BNC2: variants seen among roughly 807,000 people sequenced by gnomAD.
BNC2 encodes the protein basonuclin zinc finger protein 2, also known as zinc finger protein basonuclin-2.
BNC2 carries 20 observed loss-of-function variants against 76.3 expected under a neutral mutation model. That is an observed-to-expected ratio of 0.26 (90% confidence interval 0.18 to 0.38). BNC2 has a LOEUF of 0.38. BNC2 is among the 10% of genes least tolerant of loss of function. The pLI, the probability that BNC2 is intolerant of heterozygous loss-of-function variation, is 1.00. For synonymous variants in BNC2, 582 were observed against 514.8 expected (o/e 1.13, Z -1.77); for missense variants, 1,382 against 1,399.8 (o/e 0.99, Z 0.20).
chr9:16,735,112 G>T (rs1020326728), intron 2 of BNC2, among the ~76,000 whole-genome samples: 1 of 152,176 alleles, frequency 6.6e-6, no homozygotes, highest in African/African-American at 2.4e-5. Context: ...TTTGAGTAGG[G>T]TATGGTAGAT....
intron 3 of BNC2, among the ~76,000 whole-genome samples, chr9:16,694,861 A>G (rs1823289538): frequency 6.6e-6 from 1 of 152,202 alleles, no homozygotes; most frequent in African/African-American, 2.4e-5. Context: ...GTTGATTTCT[A>G]AGGGATACCC....
chr9:16,528,086 G>A (rs1056548823), intron 5 of BNC2, among the ~76,000 whole-genome samples: 14 of 152,180 alleles, frequency 9.2e-5, no homozygotes, highest in African/African-American at 3.4e-4. Context: ...AAAGATTGAA[G>A]AGCTGTGGGG....
chr9:16,837,119 G>A (rs960886018), intron 1 of BNC2, among the ~76,000 whole-genome samples: 4 of 152,148 alleles, frequency 2.6e-5, no homozygotes, highest in African/African-American at 9.7e-5. Flanking sequence ...CTTTCAAAAT[G>A]CTATCTTTTC....
In BNC2 at chr9:16,737,618, C is replaced by A. The variant is rs997536973; in HGVS notation, c.129+742G>T. 7.3e-5 allele frequency among the ~76,000 whole-genome samples: 11 copies of A among 151,310 alleles called. No homozygotes were observed. The East Asian group carries it at 7.8e-4, about 11-fold the overall frequency. On this transcript the variant is annotated intron_variant, in intron 2 of 6. Coordinates refer to ENST00000380672, the MANE Select transcript of BNC2 (RefSeq NM_017637.6). ...AAGTCTGGGAACTCCTACTCTCAAG[C>A]AATCTACTGGCCTTGATAGAGACTA...
At chr9:16,620,412 T>C (rs1324347056) in intron 3 of BNC2, among the ~76,000 whole-genome samples, 1 of 152,196 alleles carries the variant, frequency 6.6e-6, no homozygotes, top group Admixed American at 6.5e-5. Flanking sequence ...GTGTTATTTC[T>C]TCATGGCTAA....
chr9:16,618,469 A>G (rs894091838), intron 3 of BNC2, among the ~76,000 whole-genome samples: 5 of 152,198 alleles, frequency 3.3e-5, no homozygotes, highest in Non-Finnish European at 7.3e-5. Flanking sequence ...TAGGGACACA[A>G]CATCAAACAT....
rs187058920 is a variant in BNC2 at position 16,561,907 on chromosome 9, G to A, written c.434-9142C>T. ...TAGTCCCAGCTACTCGGGAGGCTGAGGTGGGAGGATCACTTGAGCCCACGG... is the reference window on the plus strand; with the variant it reads ...TAGTCCCAGCTACTCGGGAGGCTGAAGTGGGAGGATCACTTGAGCCCACGG... On this transcript the variant is annotated intron_variant, in intron 4 of 6. Coordinates refer to ENST00000380672, the MANE Select transcript of BNC2 (RefSeq NM_017637.6). 2.2e-4 allele frequency among the ~76,000 whole-genome samples: 34 copies of A among 152,238 alleles called. No individual in the cohort carries two copies. In the East Asian group the frequency reaches 2.9e-3, roughly 13 times the overall value.
At chr9:16,573,933 G>C (rs1476480535) in intron 4 of BNC2, among the ~76,000 whole-genome samples, 2 of 152,202 alleles carry the variant, frequency 1.3e-5, no homozygotes, top group African/African-American at 2.4e-5. Flanking sequence ...ACAATTCAGA[G>C]TTATCTTTGA....
At chr9:16,498,612 G>C (rs1822450621) in intron 5 of BNC2, among the ~76,000 whole-genome samples, 1 of 149,968 alleles carries the variant, frequency 6.7e-6, no homozygotes, top group East Asian at 2.0e-4. Context: ...CACCACTAAA[G>C]AACTTACTCA....
At chr9:16,473,602 T>C (rs922869007) in intron 5 of BNC2, among the ~76,000 whole-genome samples, 9 of 152,056 alleles carry the variant, frequency 5.9e-5, no homozygotes, top group Admixed American at 3.3e-4. Context: ...GGACCGGGCG[T>C]GGTGGCTCAT....
At chr9:16,549,860 C>T (rs1490550089) in intron 5 of BNC2, among the ~76,000 whole-genome samples, 2 of 152,018 alleles carry the variant, frequency 1.3e-5, no homozygotes, top group East Asian at 1.9e-4. Flanking sequence ...TACATCAATT[C>T]TACCAATAAA....
chr9:16,461,789 A>T (rs1821588376), intron 5 of BNC2, among the ~76,000 whole-genome samples: 1 of 152,178 alleles, frequency 6.6e-6, no homozygotes, highest in South Asian at 2.1e-4. Flanking sequence ...AGGGACTCAC[A>T]ACCTTCTTGT....
At chr9:16,521,768 G>A (rs2132079931) in intron 5 of BNC2, among the ~76,000 whole-genome samples, 1 of 152,258 alleles carries the variant, frequency 6.6e-6, no homozygotes, top group Non-Finnish European at 1.5e-5. Flanking sequence ...GGATTACTGA[G>A]TTCTAATTTT....
chr9:16,428,522 T>C (rs747158981), intron 6 of BNC2, among the ~76,000 whole-genome samples: 1 of 152,260 alleles, frequency 6.6e-6, no homozygotes, highest in Admixed American at 6.5e-5. Flanking sequence ...TGGATGTTTA[T>C]GTGTAAACAC....
At chr9:16,686,466 TTCC>T (rs1822982115) in intron 3 of BNC2, among the ~76,000 whole-genome samples, 1 of 152,200 alleles carries the variant, frequency 6.6e-6, no homozygotes, top group African/African-American at 2.4e-5. Context: ...TTTCTAATTG[TTCC>T]TCATTATTTC....
chr9:16,581,723 T>C (rs1339675249), intron 4 of BNC2, among the ~76,000 whole-genome samples: 1 of 152,180 alleles, frequency 6.6e-6, no homozygotes, highest in East Asian at 1.9e-4. Flanking sequence ...GACGAAATCA[T>C]TGAATGTAGT....
At chr9:16,664,712 A>AC (rs1822215942) in intron 3 of BNC2, among the ~76,000 whole-genome samples, 1 of 148,550 alleles carries the variant, frequency 6.7e-6, no homozygotes, top group African/African-American at 2.5e-5. Flanking sequence ...AACAAAAAAA[A>AC]CAAAAAAAAA....
chr9:16,515,799 A>G (rs1822864333), intron 5 of BNC2, among the ~76,000 whole-genome samples: 1 of 151,266 alleles, frequency 6.6e-6, no homozygotes, highest in African/African-American at 2.4e-5. Context: ...ATGACTTTCA[A>G]TTCCATGCTA....
intron 2 of BNC2, among the ~76,000 whole-genome samples, chr9:16,734,219 C>G (rs1036677933): frequency 6.6e-6 from 1 of 152,184 alleles, no homozygotes. Context: ...CTGGATCTAA[C>G]CTAGTGCCTA....
Sources: allele counts gnomAD v4.1 joint callset (sites outside exome capture counted in the v4.1 genomes callset), GRCh38; gene constraint gnomAD v4.1.1; transcripts MANE v1.5; gene names NCBI Gene and HGNC (gene_info 2026-07-23, HGNC 2026-07-21).